Variants in PPP2R3C observed in about 807,000 individuals in gnomAD.
The protein encoded by PPP2R3C is serine/threonine-protein phosphatase 2A regulatory subunit B'' subunit gamma.
In PPP2R3C, 47 loss-of-function variants were observed where a neutral mutation model predicts 63.7. The ratio of observed to expected loss-of-function variants is 0.74; its 90% CI spans 0.58 to 0.94. The LOEUF (loss-of-function observed/expected upper bound fraction) is 0.94. PPP2R3C is among the 40% of genes least tolerant of loss of function. The pLI, the probability that PPP2R3C is intolerant of heterozygous loss-of-function variation, is 0.00. For synonymous variants in PPP2R3C, 180 were observed against 177.4 expected, an observed-to-expected ratio of 1.01 and a Z score of -0.12; for missense variants, 421 against 518.4, an observed-to-expected ratio of 0.81 and a Z score of 1.82.
At chr14:35,119,541 T>G (rs1408239522) in intron 1 of PPP2R3C, among the ~76,000 whole-genome samples, 2 of 151,094 alleles carry the variant, frequency 1.3e-5, no homozygotes, top group Admixed American at 1.3e-4. Flanking sequence ...GGTGTTTCAC[T>G]ATGTTGCCCA....
At chr14:35,088,344 T>C (rs547942633) in intron 11 of PPP2R3C, among the ~76,000 whole-genome samples, 7 of 152,330 alleles carry the variant, frequency 4.6e-5, no homozygotes, top group African/African-American at 1.7e-4. Flanking sequence ...TTATTCTGTT[T>C]GATCTGCTCC....
chr14:35,096,482 G>A (rs2046003675), intron 9 of PPP2R3C, 76 bp downstream of exon 9: 2 of 1,272,358 alleles, frequency 1.6e-6, no homozygotes, highest in Non-Finnish European at 1.1e-6. Flanking sequence ...ATCAGTGTAT[G>A]TATAAAACTG....
chr14:35,117,088 G>A (rs758704276), intron 1 of PPP2R3C: 3 of 455,916 alleles, frequency 6.6e-6, no homozygotes, highest in Admixed American at 2.3e-5. Context: ...TACAGAGAAC[G>A]CTGTAGTAGA....
intron 1 of PPP2R3C, among the ~76,000 whole-genome samples, chr14:35,119,362 GTCTGGC>G (rs1273114391): frequency 1.3e-5 from 2 of 151,752 alleles, no homozygotes; most frequent in Non-Finnish European, 2.9e-5. Flanking sequence ...TTAAGACAGG[GTCTGGC>G]TCTTGTCACC....
At position 35,109,846 on chromosome 14, in the gene PPP2R3C, A is replaced by C; in HGVS notation, c.377T>G (p.Val126Gly). Reference sequence around the variant, plus strand: ...GCACTTTGCTCCAGCCTTTTCACCAACCTTCAAAAAGTTTTCGTAATTGAT... The same window carrying C: ...GCACTTTGCTCCAGCCTTTTCACCACCCTTCAAAAAGTTTTCGTAATTGAT... Reference protein sequence around the residue: ...AMINYENFLKVGEKAGAKCKQ... With the variant: ...AMINYENFLKGGEKAGAKCKQ... The change falls in exon 4 of 13, where the codon GTT becomes GGT. Residue 126 changes from valine (V) to glycine (G), a missense_variant. Around this residue, in one of 3 missense-constraint regions of PPP2R3C, gnomAD observed 143 missense variants for 151.2 expected, o/e 0.95. Coordinates refer to ENST00000261475, the MANE Select transcript of PPP2R3C (RefSeq NM_017917.4). The C allele has an allele frequency of 6.2e-7, 1 of 1,603,280 alleles. No individual in the cohort carries two copies. Among genetic ancestry groups the C allele is most frequent in the Non-Finnish European group, 8.5e-7 (1 of 1,170,524 alleles).
intron 2 of PPP2R3C, among the ~76,000 whole-genome samples, chr14:35,115,624 T>TTTTG (rs552332257): frequency 4.6e-5 from 7 of 151,380 alleles, no homozygotes; most frequent in Admixed American, 2.0e-4. Context: ...GAAATTCCTT[T>TTTTG]TTTGTTTGTT....
At chr14:35,116,965 C>G in intron 1 of PPP2R3C, 3 of 428,074 alleles carry the variant, frequency 7.0e-6, no homozygotes, top group South Asian at 5.7e-5. Context: ...CATGCTCCCT[C>G]TACTTCTGTT....
At chr14:35,091,338 G>T in intron 10 of PPP2R3C, 131 bp from the exon 11 acceptor site, 1 of 828,892 alleles carries the variant, frequency 1.2e-6, no homozygotes, top group Non-Finnish European at 1.8e-6. Context: ...TATGATATGA[G>T]AAATCCATTT....
At position 35,109,929 on chromosome 14, in the gene PPP2R3C, G is replaced by A; in HGVS notation, c.294C>T (p.Asn98=). Residue 98 remains asparagine, a splice_region_variant and synonymous_variant, in exon 4 of 13, where the codon AAC becomes AAT. Transcript: ENST00000261475. The part of the protein sequence containing the change: ...RELLDNEELQ[N]LWFLLDKHQT... ...GGTGTTTGTCCAGCAAAAACCATAA[G>A]TTCTTAAGAGAATTGTGGAAGTGAA... 1.9e-6 allele frequency: 3 copies of A among 1,576,058 alleles called. No individual in the cohort carries two copies. The highest frequency in any genetic ancestry group is 2.2e-5 in the East Asian group (1 of 44,568).
chr14:35,119,220 T>C (rs993497586), intron 1 of PPP2R3C, among the ~76,000 whole-genome samples: 4 of 152,082 alleles, frequency 2.6e-5, no homozygotes, highest in African/African-American at 9.7e-5. Flanking sequence ...GTATTTTTAG[T>C]AGAGACGGAC....
Position 35,108,236 on chromosome 14 carries a change from C to T in PPP2R3C, c.405G>A (p.Lys135=). 1 of 1,566,788 alleles carries T rather than the reference C, an allele frequency of 6.4e-7. No homozygotes were observed. The highest frequency in any genetic ancestry group is 1.4e-5 in the African/African-American group (1 of 71,964). The change falls in exon 5 of 13, where the codon AAG becomes AAA. Residue 135 remains lysine (K), a splice_region_variant and synonymous_variant. Transcript: ENST00000261475. The part of the protein sequence containing the change: ...KVGEKAGAKC[K]QFFTAKVFAK... ...CAAAGACTTTTGCTGTGAAAAATTGCCTAAGAAAAGAAAATAAAGATTTAA... is the reference window on the plus strand; with the variant it reads ...CAAAGACTTTTGCTGTGAAAAATTGTCTAAGAAAAGAAAATAAAGATTTAA...
At chr14:35,111,658 A>G (rs1170187661) in intron 2 of PPP2R3C, among the ~76,000 whole-genome samples, 1 of 152,224 alleles carries the variant, frequency 6.6e-6, no homozygotes, top group African/African-American at 2.4e-5. Context: ...TCACTATTGT[A>G]GTACACAGGA....
In PPP2R3C at chr14:35,108,252, A is replaced by G. The variant is rs1367570230; in HGVS notation, c.405-16T>C. 6.4e-7 allele frequency: 1 copy of G among 1,567,016 alleles called. No individual in the cohort carries two copies. The highest frequency in any genetic ancestry group is 2.1e-5 in the Admixed American group (1 of 46,908). ...GAAAAATTGCCTAAGAAAAGAAAATAAAGATTTAAATGATCTGCCAACATA... is the reference window on the plus strand; with the variant it reads ...GAAAAATTGCCTAAGAAAAGAAAATGAAGATTTAAATGATCTGCCAACATA... On this transcript the variant is annotated splice_polypyrimidine_tract_variant and intron_variant, in intron 4 of 12. Transcript: ENST00000261475.
chr14:35,109,824 C>G lies in PPP2R3C; in HGVS notation c.399G>C (p.Lys133Asn). Reference sequence around the variant, plus strand: ...GTTAATTATATTATTCTTACTTGCACTTTGCTCCAGCCTTTTCACCAACCT... The same window carrying G: ...GTTAATTATATTATTCTTACTTGCAGTTTGCTCCAGCCTTTTCACCAACCT... ...FLKVGEKAGA[K>N]CKQFFTAKVF... The change falls in exon 4 of 13, where the codon AAG (lysine) becomes AAC (asparagine). Residue 133 changes from lysine to asparagine, a missense_variant. Transcript: ENST00000261475. The G allele has an allele frequency of 6.4e-7, 1 of 1,569,260 alleles. No homozygotes were observed. Among genetic ancestry groups the G allele is most frequent in the East Asian group, 2.2e-5 (1 of 44,654 alleles).
At chr14:35,104,279 A>G (rs2046280569) in intron 6 of PPP2R3C, among the ~76,000 whole-genome samples, 1 of 152,200 alleles carries the variant, frequency 6.6e-6, no homozygotes, top group Admixed American at 6.5e-5. Flanking sequence ...AGAGAACTGT[A>G]GTGTGCCCCT....
At chr14:35,107,254 A>G (rs2046393278) in intron 6 of PPP2R3C, 50 bp downstream of exon 6, 2 of 1,399,988 alleles carry the variant, frequency 1.4e-6, no homozygotes, top group Non-Finnish European at 2.0e-6. Context: ...TACAGTTTAC[A>G]TTTTAGTGTC....
intron 6 of PPP2R3C, among the ~76,000 whole-genome samples, chr14:35,105,527 G>A (rs1223180239): frequency 6.6e-6 from 1 of 151,530 alleles, no homozygotes; most frequent in Non-Finnish European, 1.5e-5. Flanking sequence ...ATCTAAAAAG[G>A]AATTTGTATA....
chr14:35,114,297 C>CTTTTCTA (rs1483750596), intron 2 of PPP2R3C, among the ~76,000 whole-genome samples: 2 of 151,956 alleles, frequency 1.3e-5, no homozygotes, highest in East Asian at 3.8e-4. Context: ...ATATTTTTTC[C>CTTTTCTA]TTTTCTACAA....
chr14:35,095,851 CAAAAAAAAAAA>C (rs59775301), intron 9 of PPP2R3C, among the ~76,000 whole-genome samples: 4 of 41,132 alleles, frequency 9.7e-5, no homozygotes, highest in African/African-American at 3.0e-4. Flanking sequence ...ACTCTATCTC[CAAAAAAAAAAA>C]AAAAAAAAAA....
Sources: allele counts gnomAD v4.1 joint callset (sites outside exome capture counted in the v4.1 genomes callset), GRCh38; gene constraint gnomAD v4.1.1; regional missense constraint gnomAD v4.1.1; transcripts MANE v1.5; gene names NCBI Gene and HGNC (gene_info 2026-07-23, HGNC 2026-07-21).